The following RBMS3 variants were observed in gnomAD, a reference collection of about 807,000 sequenced individuals.
RBMS3 encodes RNA binding motif single stranded interacting protein 3.
In RBMS3, 27 loss-of-function variants were observed where a neutral mutation model predicts 66.8. The observed-to-expected ratio is 0.40, with a 90% CI of 0.30 to 0.56. The LOEUF is 0.56. Ranked by LOEUF, RBMS3 falls within the 20% of genes least tolerant of loss-of-function variation. The pLI is 0.40. For synonymous variants in RBMS3, 188 were observed against 183.0 expected (o/e 1.03, Z -0.22); for missense variants, 513 against 549.5 (o/e 0.93, Z 0.66).
intron 1 of RBMS3, among the ~76,000 whole-genome samples, chr3:29,304,433 A>G (rs886747821): frequency 1.3e-5 from 2 of 151,928 alleles, no homozygotes; most frequent in Admixed American, 6.6e-5. Flanking sequence ...GCCACTTTTT[A>G]ATGCTTCCTC....
chr3:29,743,381 C>G (rs1034857406), intron 5 of RBMS3, among the ~76,000 whole-genome samples: 1 of 152,202 alleles, frequency 6.6e-6, no homozygotes, highest in African/African-American at 2.4e-5. Flanking sequence ...TAGCACATAG[C>G]AAGTGAGAGA....
rs1441892969 is a variant in RBMS3 at position 29,461,617 on chromosome 3, C to T, written c.248+26702C>T. Among the ~76,000 whole-genome samples the T allele has an allele frequency of 4.6e-5, 7 of 152,116 alleles. No individual in the cohort carries two copies. In the South Asian group the frequency reaches 6.2e-4, roughly 13 times the overall value. On this transcript the variant is annotated intron_variant, in intron 2 of 14. Coordinates refer to ENST00000383767, the MANE Select transcript of RBMS3 (RefSeq NM_001003793.3). ...TGTCCAAGAGTAGGAAGTGGTTTTT[C>T]GTTTGTGAGATATTTGTGAACTTTT...
intron 4 of RBMS3, among the ~76,000 whole-genome samples, chr3:29,691,947 C>CTCTCTCTCTCTCTTTTTTTTTTTT (rs1218393454): frequency 5.6e-5 from 3 of 53,546 alleles, no homozygotes; most frequent in Non-Finnish European, 1.2e-4. Flanking sequence ...CTCTCTCTCT[C>CTCTCTCTCTCTCTTTTTTTTTTTT]TATTTTTTTT....
At chr3:29,951,287 C>G (rs1433432560) in intron 12 of RBMS3, among the ~76,000 whole-genome samples, 1 of 151,654 alleles carries the variant, frequency 6.6e-6, no homozygotes, top group Non-Finnish European at 1.5e-5. Flanking sequence ...TACCACCAGA[C>G]ACTGTTTGTT....
At chr3:29,742,007 C>A (rs1018377020) in intron 5 of RBMS3, among the ~76,000 whole-genome samples, 1 of 152,086 alleles carries the variant, frequency 6.6e-6, no homozygotes, top group African/African-American at 2.4e-5. Flanking sequence ...GGGGTTAGGA[C>A]TTCAACATAT....
At chr3:29,864,771 AT>A (rs74487242) in intron 6 of RBMS3, among the ~76,000 whole-genome samples, 1,544 of 137,584 alleles carry the variant, frequency 0.011, 55 homozygotes, top group Admixed American at 0.076. Context: ...TTATTTCCCC[AT>A]TTTATACATA....
At chr3:29,353,463 C>T (rs1035933358) in intron 1 of RBMS3, among the ~76,000 whole-genome samples, 1 of 151,816 alleles carries the variant, frequency 6.6e-6, no homozygotes, top group Non-Finnish European at 1.5e-5. Context: ...CTATAAGCTA[C>T]TTTCTTTGCT....
intron 3 of RBMS3, among the ~76,000 whole-genome samples, chr3:29,525,219 T>C (rs1027805746): frequency 3.9e-5 from 6 of 152,154 alleles, no homozygotes; most frequent in Non-Finnish European, 7.4e-5. Flanking sequence ...TATTCCAGCT[T>C]TCTTCTAGTT....
chr3:29,836,203 G>C (rs1411932505), intron 6 of RBMS3, among the ~76,000 whole-genome samples: 4 of 151,954 alleles, frequency 2.6e-5, no homozygotes, highest in Admixed American at 2.6e-4. Flanking sequence ...ATAATTAATA[G>C]CTATTATTTT....
At chr3:29,380,198 T>A (rs112849732) in intron 1 of RBMS3, among the ~76,000 whole-genome samples, 247 of 138,320 alleles carry the variant, frequency 1.8e-3, no homozygotes, top group Non-Finnish European at 2.6e-3. Flanking sequence ...TAGTAGGTAT[T>A]TAGTAGGGGA....
chr3:30,003,057 T>G (rs1376037916), intron 14 of RBMS3, among the ~76,000 whole-genome samples: 1 of 152,040 alleles, frequency 6.6e-6, no homozygotes, highest in Non-Finnish European at 1.5e-5. Context: ...GGCCTTCAGC[T>G]AAATGTAACT....
chr3:29,673,269 G>A (rs531691013), intron 4 of RBMS3, among the ~76,000 whole-genome samples: 112 of 152,288 alleles, frequency 7.4e-4, no homozygotes, highest in Non-Finnish European at 1.3e-3. Context: ...GAAATTTATA[G>A]CACTAAATGC....
intron 10 of RBMS3, among the ~76,000 whole-genome samples, chr3:29,918,002 A>G (rs1055994926): frequency 1.3e-5 from 2 of 152,148 alleles, no homozygotes; most frequent in African/African-American, 4.8e-5. Context: ...GATTAACCTG[A>G]ATATAACAGG....
intron 2 of RBMS3, among the ~76,000 whole-genome samples, chr3:29,471,613 T>C (rs2042728476): frequency 6.6e-6 from 1 of 151,930 alleles, no homozygotes; most frequent in South Asian, 2.1e-4. Flanking sequence ...GGTAATAGAA[T>C]CAGGCTTATT....
chr3:29,514,999 A>G (rs1642445291), intron 3 of RBMS3, among the ~76,000 whole-genome samples: 1 of 152,084 alleles, frequency 6.6e-6, no homozygotes, highest in African/African-American at 2.4e-5. Flanking sequence ...CACTATGTTC[A>G]AGATCAATCA....
At chr3:29,593,027 A>T (rs75722836) in intron 4 of RBMS3, among the ~76,000 whole-genome samples, 17,222 of 57,700 alleles carry the variant, frequency 0.3, 1,408 homozygotes, top group East Asian at 0.47. Flanking sequence ...GGGAGGGGGG[A>T]GGGGGGAGGG....
intron 3 of RBMS3, among the ~76,000 whole-genome samples, chr3:29,506,274 T>C (rs986886809): frequency 2.6e-5 from 4 of 151,880 alleles, no homozygotes; most frequent in South Asian, 2.1e-4. Flanking sequence ...TTTGTTGAGA[T>C]TTTTTATCAT....
chr3:29,578,533 T>C (rs1396220466), intron 3 of RBMS3, among the ~76,000 whole-genome samples: 5 of 152,132 alleles, frequency 3.3e-5, no homozygotes, highest in African/African-American at 1.2e-4. Flanking sequence ...AAATAAGGCC[T>C]ATAAATGTGT....
intron 4 of RBMS3, among the ~76,000 whole-genome samples, chr3:29,606,728 A>G (rs989901454): frequency 6.6e-6 from 1 of 151,970 alleles, no homozygotes; most frequent in African/African-American, 2.4e-5. Context: ...GTTTTTCTGT[A>G]TTGTTCCTTT....
Sources: gnomAD v4.1 joint callset for allele counts (sites outside exome capture counted in the v4.1 genomes callset) on GRCh38, gnomAD v4.1.1 for gene constraint, MANE v1.5 for transcripts, NCBI Gene and HGNC (gene_info 2026-07-23, HGNC 2026-07-21) for gene names.